NRXN3: variants seen among roughly 807,000 people sequenced by gnomAD.
The protein encoded by NRXN3 is neurexin 3, also known as neurexin III.
Under a neutral mutation model 137.6 loss-of-function variants are expected in NRXN3, and 32 were observed. The observed-to-expected ratio is 0.23, with a 90% CI of 0.18 to 0.31. The LOEUF (loss-of-function observed/expected upper bound fraction) is 0.31. NRXN3 is among the 10% of genes least tolerant of loss of function. The probability of loss-of-function intolerance (pLI) is 1.00; values close to 1 mark genes in which losing one functional copy is unlikely to be tolerated. For synonymous variants in NRXN3, 798 were observed against 784.5 expected, an observed-to-expected ratio of 1.02 and a Z score of -0.29; for missense variants, 1,574 against 2,062.5, an observed-to-expected ratio of 0.76 and a Z score of 4.59.
rs772348933 is a variant in NRXN3, at chr14:78,709,546, G to A, written c.1551G>A (p.Leu517=). The change falls in exon 7 of 21, where the codon CTG becomes CTA. Residue 517 remains leucine, a synonymous_variant. Coordinates refer to ENST00000335750, the MANE Select transcript of NRXN3 (RefSeq NM_001330195.2). ...FFAVELLDGN[L]YLLLDMGSGT... ...CCGTGGAACTCCTCGATGGCAACCT[G>A]TACTTGCTGCTTGACATGGGCTCTG... 1 of 1,614,030 alleles carries A rather than the reference G, an allele frequency of 6.2e-7. No individual in the cohort carries two copies. Among genetic ancestry groups the A allele is most frequent in the Admixed American group, 1.7e-5 (1 of 60,022 alleles).
chr14:79,234,855 G>C (rs1475806832), intron 15 of NRXN3, among the ~76,000 whole-genome samples: 4 of 151,868 alleles, frequency 2.6e-5, no homozygotes, highest in Admixed American at 6.6e-5. Context: ...CAGCTCCTGG[G>C]AACACAATTT....
chr14:79,233,197 T>G (rs2072571561), intron 15 of NRXN3, among the ~76,000 whole-genome samples: 1 of 152,198 alleles, frequency 6.6e-6, no homozygotes, highest in Admixed American at 6.6e-5. Flanking sequence ...CTTTATTGCC[T>G]TGAAATCTCA....
intron 17 of NRXN3, among the ~76,000 whole-genome samples, chr14:79,689,668 T>A (rs1221311782): frequency 6.6e-6 from 1 of 152,090 alleles, no homozygotes; most frequent in African/African-American, 2.4e-5. Flanking sequence ...TAAGGTTGAA[T>A]CATGACCATG....
At chr14:78,912,105 G>C (rs566047107) in intron 10 of NRXN3, among the ~76,000 whole-genome samples, 29 of 151,276 alleles carry the variant, frequency 1.9e-4, no homozygotes, top group Middle Eastern at 3.4e-3. Flanking sequence ...GGTGTGTGAT[G>C]TTCCCCTTCC....
intron 4 of NRXN3, among the ~76,000 whole-genome samples, chr14:78,533,916 C>G (rs776039250): frequency 8.6e-5 from 13 of 151,942 alleles, no homozygotes; most frequent in Non-Finnish European, 1.8e-4. Flanking sequence ...TCATTTTTTT[C>G]TATAGTACTG....
intron 16 of NRXN3, among the ~76,000 whole-genome samples, chr14:79,588,775 A>T (rs996109536): frequency 6.6e-6 from 1 of 152,148 alleles, no homozygotes; most frequent in African/African-American, 2.4e-5. Context: ...TTGAGTTTTC[A>T]TGTCTGTTTT....
intron 4 of NRXN3, among the ~76,000 whole-genome samples, chr14:78,542,760 TC>T (rs1230018694): frequency 1.3e-5 from 2 of 152,158 alleles, no homozygotes; most frequent in East Asian, 3.9e-4. Context: ...AAATCACCCA[TC>T]TTCTGCATCG....
intron 6 of NRXN3, among the ~76,000 whole-genome samples, chr14:78,675,715 C>T (rs545306090): frequency 2.2e-4 from 34 of 152,090 alleles, no homozygotes; most frequent in Non-Finnish European, 4.4e-4. Context: ...TCTATGGCGT[C>T]TTCTGGGCCA....
intron 4 of NRXN3, among the ~76,000 whole-genome samples, chr14:78,405,312 G>A (rs183372655): frequency 4.6e-5 from 7 of 152,226 alleles, no homozygotes; most frequent in Admixed American, 4.6e-4. Context: ...CTTTGGAGGT[G>A]ATAAAGCAGA....
chr14:78,211,350 G>A (rs2062722777), intron 1 of NRXN3, among the ~76,000 whole-genome samples: 1 of 152,178 alleles, frequency 6.6e-6, no homozygotes, highest in African/African-American at 2.4e-5. Flanking sequence ...TCAGCTTGGG[G>A]GATGTCTGAA....
chr14:78,868,938 A>G, intron 10 of NRXN3, among the ~76,000 whole-genome samples: 1 of 152,192 alleles, frequency 6.6e-6, no homozygotes, highest in Admixed American at 6.5e-5. Context: ...ATTTAGGGCA[A>G]TCAGAGCCAA....
chr14:78,246,359 A>G (rs1017649939), intron 2 of NRXN3, among the ~76,000 whole-genome samples: 3 of 152,274 alleles, frequency 2.0e-5, no homozygotes, highest in South Asian at 2.1e-4. Context: ...TAAATGCAAT[A>G]TGTATATTTT....
chr14:79,016,267 G>T (rs2099579090), intron 15 of NRXN3, among the ~76,000 whole-genome samples: 1 of 152,070 alleles, frequency 6.6e-6, no homozygotes. Flanking sequence ...TACACTTCTG[G>T]CTCAATTTGT....
At chr14:79,803,436 T>C (rs918375342) in intron 19 of NRXN3, among the ~76,000 whole-genome samples, 1 of 152,154 alleles carries the variant, frequency 6.6e-6, no homozygotes, top group African/African-American at 2.4e-5. Context: ...AACTCTCCCC[T>C]TGGCTTGCAG....
chr14:79,796,416 A>T (rs1284005469), intron 19 of NRXN3, among the ~76,000 whole-genome samples: 2 of 152,214 alleles, frequency 1.3e-5, no homozygotes, highest in African/African-American at 4.8e-5. Flanking sequence ...GCCTGCCTTG[A>T]ACAACAGATT....
chr14:79,065,912 G>C (rs985504802), intron 15 of NRXN3, among the ~76,000 whole-genome samples: 3 of 152,042 alleles, frequency 2.0e-5, no homozygotes, highest in Non-Finnish European at 4.4e-5. Flanking sequence ...CCATCATCCA[G>C]ATATTAAGCC....
At chr14:78,724,608 T>C (rs1257275455) in intron 8 of NRXN3, among the ~76,000 whole-genome samples, 2 of 152,236 alleles carry the variant, frequency 1.3e-5, no homozygotes, top group African/African-American at 4.8e-5. Flanking sequence ...CAAAGAAATA[T>C]ACATGCATCT....
At chr14:79,497,861 C>G (rs527736728) in intron 16 of NRXN3, among the ~76,000 whole-genome samples, 6 of 152,140 alleles carry the variant, frequency 3.9e-5, no homozygotes, top group African/African-American at 4.8e-5. Context: ...ATAGTGAAAC[C>G]CCGTCTCTAC....
intron 15 of NRXN3, among the ~76,000 whole-genome samples, chr14:79,416,836 C>T: frequency 6.6e-6 from 1 of 152,100 alleles, no homozygotes; most frequent in East Asian, 1.9e-4. Context: ...ACATGGCAGT[C>T]CTTGGTTGGC....
Sources: allele counts gnomAD v4.1 joint callset (sites outside exome capture counted in the v4.1 genomes callset), GRCh38; gene constraint gnomAD v4.1.1; transcripts MANE v1.5; gene names NCBI Gene and HGNC (gene_info 2026-07-23, HGNC 2026-07-21).